ADCY5: variants seen among roughly 807,000 people sequenced by gnomAD.
ADCY5 encodes the protein adenylate cyclase 5, also known as adenylate cyclase type 5.
ADCY5 carries 30 observed loss-of-function variants against 119.7 expected under a neutral mutation model. The observed-to-expected ratio is 0.25, with a 90% CI of 0.19 to 0.34. The LOEUF is 0.34. ADCY5 is among the 10% of genes least tolerant of loss of function. ADCY5 has a pLI of 1.00. For missense variants in ADCY5, 1,324 were observed against 1,775.2 expected (o/e 0.75, Z 4.57); for synonymous variants, 753 against 762.2 (o/e 0.99, Z 0.20).
chr3:123,365,357 G>T (rs1478571108), intron 1 of ADCY5, among the ~76,000 whole-genome samples: 2 of 152,208 alleles, frequency 1.3e-5, no homozygotes, highest in African/African-American at 4.8e-5. Context: ...ACTTTGGGTA[G>T]ATTAAATTGA....
chr3:123,435,317 A>C (rs1490481579), intron 1 of ADCY5, among the ~76,000 whole-genome samples: 1 of 152,138 alleles, frequency 6.6e-6, no homozygotes. Flanking sequence ...GGCAGCACTG[A>C]CTTGAACTCA....
intron 3 of ADCY5, among the ~76,000 whole-genome samples, chr3:123,340,090 G>A (rs1032498551): frequency 1.1e-4 from 16 of 152,138 alleles, no homozygotes; most frequent in African/African-American, 3.9e-4. Context: ...AGGAGTCGGA[G>A]GCCGGTCTAA....
chr3:123,435,122 A>G (rs1289064875), intron 1 of ADCY5, among the ~76,000 whole-genome samples: 6 of 152,042 alleles, frequency 3.9e-5, no homozygotes, highest in Non-Finnish European at 8.8e-5. Context: ...CCATCTCCAC[A>G]AAAAACACAA....
Position 123,297,327 on chromosome 3 carries a change from A to C in ADCY5, c.2930+26T>G, listed in dbSNP as rs1200028428. On this transcript the variant is annotated intron_variant, in intron 16 of 20. Transcript: ENST00000462833. ...TGCTCTGTGCTGAGGGCAGGGAGCG[A>C]CCCTATCCGAGGAGCATCAACTCAC... The C allele has an allele frequency of 2.5e-6, 4 of 1,612,714 alleles. No homozygotes were observed. The African/African-American group carries it at 5.3e-5, about 22-fold the overall frequency.
At chr3:123,445,998 G>T (rs1945805705) in intron 1 of ADCY5, among the ~76,000 whole-genome samples, 1 of 152,228 alleles carries the variant, frequency 6.6e-6, no homozygotes, top group African/African-American at 2.4e-5. Flanking sequence ...AATGGAAGAA[G>T]AAGGTTCCTT....
intron 7 of ADCY5, among the ~76,000 whole-genome samples, chr3:123,326,346 A>C (rs1576577212): frequency 6.6e-6 from 1 of 152,270 alleles, no homozygotes; most frequent in Non-Finnish European, 1.5e-5. Context: ...AGAGCTAGAG[A>C]CCTGAGGCAA....
chr3:123,436,431 A>G (rs1240988193), intron 1 of ADCY5, among the ~76,000 whole-genome samples: 1 of 152,134 alleles, frequency 6.6e-6, no homozygotes, highest in African/African-American at 2.4e-5. Flanking sequence ...TTGGCTGGGA[A>G]TGGTGGGCTC....
Position 123,396,779 on chromosome 3 carries a change from A to AAGGCAGGCAGGC in ADCY5, c.1135-44210_1135-44199dup, listed in dbSNP as rs1195206250. ...GAAGGAAGGAAGGAAGGAAGGAAGG[A>AAGGCAGGCAGGC]AGGCAGGCAGGCAGGCAGGCAGGCA... On this transcript the variant is annotated intron_variant, in intron 1 of 20. Transcript: ENST00000462833. Among the ~76,000 whole-genome samples the AAGGCAGGCAGGC allele has an allele frequency of 3.6e-4, 25 of 69,988 alleles. 1 individual carries two copies. Among genetic ancestry groups the AAGGCAGGCAGGC allele is most frequent in the Non-Finnish European group, 5.3e-4 (19 of 35,906 alleles). 45.9% of individuals were successfully genotyped at this position (69,988 alleles called of 152,430 possible). A position where few individuals can be genotyped will look rare whatever the true frequency, so the allele number is the denominator to read the frequency against.
At chr3:123,385,119 T>A (rs974193042) in intron 1 of ADCY5, among the ~76,000 whole-genome samples, 15 of 151,490 alleles carry the variant, frequency 9.9e-5, no homozygotes, top group African/African-American at 3.4e-4. Flanking sequence ...GGTAAGTAAA[T>A]AAACAAGCAA....
chr3:123,330,345 T>C (rs931106087), intron 5 of ADCY5, among the ~76,000 whole-genome samples: 5 of 152,250 alleles, frequency 3.3e-5, no homozygotes, highest in African/African-American at 1.2e-4. Context: ...CAGGGCTCCT[T>C]CTGTGGCCAG....
At chr3:123,439,284 G>C (rs983092422) in intron 1 of ADCY5, among the ~76,000 whole-genome samples, 1 of 150,910 alleles carries the variant, frequency 6.6e-6, no homozygotes, top group Admixed American at 6.6e-5. Context: ...GGATGGTCTC[G>C]ATCTCCTGAC....
intron 1 of ADCY5, among the ~76,000 whole-genome samples, chr3:123,437,140 GAGCCATTAGAGATTA>G (rs1945631907): frequency 6.6e-6 from 1 of 152,182 alleles, no homozygotes; most frequent in Admixed American, 6.6e-5. Context: ...TAACCACTGT[GAGCCATTAGAGATTA>G]ATCCTTGCAG....
chr3:123,291,579 G>A (rs1424272819), intron 17 of ADCY5, among the ~76,000 whole-genome samples: 1 of 152,108 alleles, frequency 6.6e-6, no homozygotes, highest in Admixed American at 6.5e-5. Flanking sequence ...GCAGGACTTT[G>A]ACAATCAGAA....
At chr3:123,329,757 G>A (rs1230339138) in intron 5 of ADCY5, among the ~76,000 whole-genome samples, 1 of 152,160 alleles carries the variant, frequency 6.6e-6, no homozygotes, top group Non-Finnish European at 1.5e-5. Context: ...TCAGCAAGAG[G>A]CTGACACCCA....
chr3:123,332,204 T>C (rs1941796325), intron 4 of ADCY5, among the ~76,000 whole-genome samples: 1 of 152,218 alleles, frequency 6.6e-6, no homozygotes, highest in Admixed American at 6.5e-5. Flanking sequence ...GAATGTAGCT[T>C]GATGGCCCCT....
chr3:123,383,134 C>T (rs4678016), intron 1 of ADCY5, among the ~76,000 whole-genome samples: 71,636 of 151,434 alleles, frequency 0.47, 17,658 homozygotes, highest in East Asian at 0.68. Context: ...GTCCCAGCCC[C>T]GTCCTGGTAG....
At position 123,366,658 on chromosome 3, in the gene ADCY5, C is replaced by T. The variant is rs546604720; in HGVS notation, c.1135-14077G>A. ...AAACTTGGGGCTTGGGGAGAATATACGAATTTAAAACCATGGGGAGGAGGG... is the reference window on the plus strand; with the variant it reads ...AAACTTGGGGCTTGGGGAGAATATATGAATTTAAAACCATGGGGAGGAGGG... On this transcript the variant is annotated intron_variant, in intron 1 of 20. Coordinates refer to ENST00000462833, the MANE Select transcript of ADCY5 (RefSeq NM_183357.3). Among the ~76,000 whole-genome samples the T allele has an allele frequency of 9.9e-5, 15 of 152,140 alleles. No homozygotes were observed. The East Asian group carries it at 1.5e-3, about 16-fold the overall frequency.
At chr3:123,345,955 G>A (rs756106145) in intron 3 of ADCY5, among the ~76,000 whole-genome samples, 7 of 152,206 alleles carry the variant, frequency 4.6e-5, no homozygotes, top group Admixed American at 1.3e-4. Flanking sequence ...ACCAGAAAGC[G>A]TTCCAGGGTA....
At chr3:123,405,111 C>T (rs1034832769) in intron 1 of ADCY5, among the ~76,000 whole-genome samples, 2 of 152,236 alleles carry the variant, frequency 1.3e-5, no homozygotes, top group Admixed American at 6.5e-5. Flanking sequence ...CACCTGTCAC[C>T]GTGCTGCTGC....
Sources: gnomAD v4.1 joint callset for allele counts (sites outside exome capture counted in the v4.1 genomes callset) on GRCh38, gnomAD v4.1.1 for gene constraint, MANE v1.5 for transcripts, NCBI Gene and HGNC (gene_info 2026-07-23, HGNC 2026-07-21) for gene names.